The following PRPF8 variants were observed in gnomAD, a reference collection of about 807,000 sequenced individuals.
PRPF8 encodes pre-mRNA processing factor 8, also known as pre-mRNA-processing-splicing factor 8.
PRPF8 carries 64 observed loss-of-function variants against 285.9 expected under a neutral mutation model. The ratio of observed to expected loss-of-function variants is 0.22; its 90% CI spans 0.18 to 0.28. PRPF8 has a LOEUF of 0.28. PRPF8 is among the 10% of genes least tolerant of loss of function. PRPF8 has a pLI of 1.00. For synonymous variants in PRPF8, 1,325 were observed against 1,118.2 expected (o/e 1.18, Z -3.69); for missense variants, 1,426 against 3,026.7 (o/e 0.47, Z 12.41).
chr17:1,670,270 T>G (rs1368668709), intron 24 of PRPF8, among the ~76,000 whole-genome samples: 2 of 152,166 alleles, frequency 1.3e-5, no homozygotes, highest in Non-Finnish European at 2.9e-5. Flanking sequence ...AAACTAGATT[T>G]CTTTATCTTC....
Position 1,679,841 on chromosome 17 carries a change from TAGGCAC to T in PRPF8, c.1099-48_1099-43del. 6.3e-7 allele frequency: 1 copy of T among 1,598,394 alleles called. No individual in the cohort carries two copies. The highest frequency in any genetic ancestry group is 8.6e-7 in the Non-Finnish European group (1 of 1,165,600). ...TCTAAGGGTTTAGCTCCTGCTGAACTAGGCACAGACTTAAGATGAGGGAAATTCTCT... is the reference window on the plus strand; with the variant it reads ...TCTAAGGGTTTAGCTCCTGCTGAACTAGACTTAAGATGAGGGAAATTCTCT... On this transcript the variant is annotated intron_variant, in intron 8 of 42. Transcript: ENST00000304992. This position sits in a 1 kb window ranked among gnomAD's most constrained non-coding sequence, Gnocchi z 4.7.
At chr17:1,682,331 C>A in intron 3 of PRPF8, 38 bp from the exon 4 acceptor site, 14 of 1,604,834 alleles carry the variant, frequency 8.7e-6, no homozygotes, top group Non-Finnish European at 1.2e-5. Flanking sequence ...TCAGAAATGA[C>A]GAGGTGTTCT....
intron 34 of PRPF8, 119 bp from the exon 35 acceptor site, chr17:1,656,880 T>C: frequency 3.2e-6 from 3 of 933,290 alleles, no homozygotes; most frequent in Non-Finnish European, 1.7e-6. Context: ...TGATGTTAAA[T>C]GTTAGGCACT....
At position 1,658,103 on chromosome 17, in the gene PRPF8, C is replaced by T; in HGVS notation, c.5505+150G>A. 1.6e-6 allele frequency: 2 copies of T among 1,235,732 alleles called. No homozygotes were observed. The highest frequency in any genetic ancestry group is 2.6e-5 in the South Asian group (2 of 76,716). The allele number at this position is 1,235,732 out of a possible 1,614,324, so 76.5% of individuals were successfully genotyped here. A position where few individuals can be genotyped will look rare whatever the true frequency, so the allele number is the denominator to read the frequency against. ...AGCACCTCATACACTCTTGGACCTC[C>T]CACAGAATACTTCCCAAGGTATTTT... On this transcript the variant is annotated intron_variant, in intron 34 of 42. Coordinates refer to ENST00000304992, the MANE Select transcript of PRPF8 (RefSeq NM_006445.4). The surrounding 1 kb of genome is among the most constrained non-coding windows in gnomAD (Gnocchi z 4.1).
chr17:1,668,534 T>C (rs1409865957), intron 24 of PRPF8, among the ~76,000 whole-genome samples: 2 of 151,894 alleles, frequency 1.3e-5, no homozygotes, highest in African/African-American at 4.8e-5. Context: ...AGCTAATTTT[T>C]TGTATTTTTA....
At chr17:1,678,734 G>A (rs1912746170) in intron 12 of PRPF8, 28 bp downstream of exon 12, 1 of 1,614,096 alleles carries the variant, frequency 6.2e-7, no homozygotes. Context: ...TCCTCACCCA[G>A]GCAGGGGTTG....
At position 1,677,192 on chromosome 17, in the gene PRPF8, A is replaced by T. The variant is rs1167358479; in HGVS notation, c.1985-20T>A. 1 of 1,610,506 alleles carries T rather than the reference A, an allele frequency of 6.2e-7. No homozygotes were observed. Among genetic ancestry groups the T allele is most frequent in the South Asian group, 1.1e-5 (1 of 91,034 alleles). ...GTCGACCTGGAAGTAGAGTGTCCCAAGGGGATTACAAGGAAGATTCCTTGC... is the reference window on the plus strand; with the variant it reads ...GTCGACCTGGAAGTAGAGTGTCCCATGGGGATTACAAGGAAGATTCCTTGC... On this transcript the variant is annotated intron_variant, in intron 14 of 42. Coordinates refer to ENST00000304992, the MANE Select transcript of PRPF8 (RefSeq NM_006445.4).
intron 20 of PRPF8, among the ~76,000 whole-genome samples, chr17:1,674,945 T>TA (rs984802447): frequency 3.3e-5 from 5 of 151,972 alleles, no homozygotes; most frequent in Non-Finnish European, 7.4e-5. Context: ...CTAATTTTTG[T>TA]ATTTTTTTAA....
rs1567674321 is a variant in PRPF8, at chr17:1,651,544, G to A, written c.6520C>T (p.Pro2174Ser). The change falls in exon 41 of 43, where the codon CCC (proline) becomes TCC (serine). Residue 2174 changes from proline (P) to serine (S), a missense_variant. Transcript: ENST00000304992. The surrounding 1 kb of genome is among the most constrained non-coding windows in gnomAD (Gnocchi z 5.1). ...PQHEYLKEME[P>S]LGWIHTQPNE... ...GGCTGAGTGTGGATCCAACCTAAGG[G>A]TTCCATCTCCTATAGGTAAAGAGGA... 1 of 1,614,056 alleles carries A rather than the reference G, an allele frequency of 6.2e-7. No homozygotes were observed. Among genetic ancestry groups the A allele is most frequent in the South Asian group, 1.1e-5 (1 of 91,086 alleles).
Position 1,676,773 on chromosome 17 carries a change from A to C in PRPF8, c.2182-62T>G. ...GCCAGGCACTGTGGCACACATCTGT[A>C]GTCCCGGCTACTCAGGAGGCTAAGG... On this transcript the variant is annotated intron_variant, in intron 15 of 42. Transcript: ENST00000304992. The surrounding 1 kb of genome is among the most constrained non-coding windows in gnomAD (Gnocchi z 6.3). The C allele has an allele frequency of 6.3e-7, 1 of 1,581,842 alleles. No homozygotes were observed. The highest frequency in any genetic ancestry group is 1.1e-5 in the South Asian group (1 of 90,516).
Position 1,651,871 on chromosome 17 carries a change from C to T in PRPF8, c.6370-83G>A. On this transcript the variant is annotated intron_variant, in intron 39 of 42. Coordinates refer to ENST00000304992, the MANE Select transcript of PRPF8 (RefSeq NM_006445.4). The surrounding 1 kb of genome is among the most constrained non-coding windows in gnomAD (Gnocchi z 5.1). ...CTGCCAGCCCTCTGTTTCCTTCCTT[C>T]CCCCAAGAACGAGGACAGAGTTTCT... The T allele has an allele frequency of 1.3e-6, 2 of 1,512,334 alleles. No homozygotes were observed. The highest frequency in any genetic ancestry group is 1.1e-5 in the South Asian group (1 of 89,046). The allele number at this position is 1,512,334 out of a possible 1,614,324, so 93.7% of individuals were successfully genotyped here.
chr17:1,670,016 G>A (rs1050533922), intron 24 of PRPF8, among the ~76,000 whole-genome samples: 3 of 152,074 alleles, frequency 2.0e-5, no homozygotes, highest in African/African-American at 7.2e-5. Context: ...AGCTATCCCT[G>A]ACTGCTCTTA....
Position 1,650,969 on chromosome 17 carries a change from G to A in PRPF8, c.6854-13C>T. On this transcript the variant is annotated splice_polypyrimidine_tract_variant and intron_variant, in intron 42 of 42. Coordinates refer to ENST00000304992, the MANE Select transcript of PRPF8 (RefSeq NM_006445.4). ...TCATGCCGAACACCTTCGGGGAGAA[G>A]GAAACAGCCAATGTTAACAGGGCTC... 6.2e-7 allele frequency: 1 copy of A among 1,614,168 alleles called. No homozygotes were observed. The highest frequency in any genetic ancestry group is 8.5e-7 in the Non-Finnish European group (1 of 1,180,024).
In PRPF8 at chr17:1,653,892, G is replaced by A; in HGVS notation, c.6112C>T (p.Gln2038Ter). The part of the protein sequence containing the change: ...EIEKQTKEQS[Q>*]LTATQTRTVN... ...GTGCGAGTCTGTGTTGCCGTCAGCT[G>A]CGATTGTTCCTTGGTCTGCTTCTCG... The change falls in exon 38 of 43, where the codon CAG (glutamine) becomes TAG (stop). Residue 2038 changes from glutamine to a stop codon, truncating the protein, a stop_gained. Coordinates refer to ENST00000304992, the MANE Select transcript of PRPF8 (RefSeq NM_006445.4). LOFTEE classifies it high-confidence loss of function. This position sits in a 1 kb window ranked among gnomAD's most constrained non-coding sequence, Gnocchi z 4.9. 1 of 1,614,182 alleles carries A rather than the reference G, an allele frequency of 6.2e-7. No individual in the cohort carries two copies. Among genetic ancestry groups the A allele is most frequent in the South Asian group, 1.1e-5 (1 of 91,076 alleles).
In PRPF8 at chr17:1,660,539, T is replaced by C. The variant is rs1397962635; in HGVS notation, c.4678A>G (p.Ile1560Val). ...GFQVQLDLTG[I>V]FMHGKIPTLK... ...GTGGGGATCTTGCCGTGCATGAAGATACCCGTCAGGTCTAGCTGCACCTGA... is the reference window on the plus strand; with the variant it reads ...GTGGGGATCTTGCCGTGCATGAAGACACCCGTCAGGTCTAGCTGCACCTGA... Residue 1560 changes from isoleucine to valine, a missense_variant, in exon 30 of 43, where the codon ATC becomes GTC. Ile to Val is a conservative substitution (Grantham distance 29, BLOSUM62 3). Around this residue, in one of 34 missense-constraint regions of PRPF8, gnomAD observed 15 missense variants for 63.7 expected, o/e 0.24. Coordinates refer to ENST00000304992, the MANE Select transcript of PRPF8 (RefSeq NM_006445.4). 2 of 1,614,222 alleles carry C rather than the reference T, an allele frequency of 1.2e-6. No individual in the cohort carries two copies.
intron 24 of PRPF8, among the ~76,000 whole-genome samples, chr17:1,668,000 A>G (rs1353536634): frequency 1.3e-5 from 2 of 152,250 alleles, no homozygotes; most frequent in Non-Finnish European, 2.9e-5. Flanking sequence ...TTACCAAGTA[A>G]TATGGCTTAC....
Position 1,675,473 on chromosome 17 carries a change from G to A in PRPF8, c.2873-134C>T. The A allele has an allele frequency of 6.9e-7, 1 of 1,447,778 alleles. No homozygotes were observed. Among genetic ancestry groups the A allele is most frequent in the Non-Finnish European group, 9.7e-7 (1 of 1,033,766 alleles). 89.7% of individuals were successfully genotyped at this position (1,447,778 alleles called of 1,614,324 possible). On this transcript the variant is annotated intron_variant, in intron 19 of 42. Coordinates refer to ENST00000304992, the MANE Select transcript of PRPF8 (RefSeq NM_006445.4). This position sits in a 1 kb window ranked among gnomAD's most constrained non-coding sequence, Gnocchi z 6.0. Reference sequence around the variant, plus strand: ...ATTCATTTGGATTGCTTTGACTATGGGCTTTTCCTCAGTTTAACACGAACA... The same window carrying A: ...ATTCATTTGGATTGCTTTGACTATGAGCTTTTCCTCAGTTTAACACGAACA...
chr17:1,663,416 G>A (rs1257360587), intron 24 of PRPF8, among the ~76,000 whole-genome samples: 1 of 151,924 alleles, frequency 6.6e-6, no homozygotes, highest in Non-Finnish European at 1.5e-5. Flanking sequence ...TTGTCAAATT[G>A]GATTTAAATA....
intron 11 of PRPF8, 49 bp downstream of exon 11, chr17:1,678,968 A>G (rs1254741559): frequency 6.2e-7 from 1 of 1,613,668 alleles, no homozygotes; most frequent in Admixed American, 1.7e-5. Flanking sequence ...GAGGAAAACA[A>G]CTGTCCGTCC....
Sources: gnomAD v4.1 joint callset for allele counts (sites outside exome capture counted in the v4.1 genomes callset) on GRCh38, gnomAD v4.1.1 for gene constraint, gnomAD v4.1.1 regional missense constraint, Gnocchi (gnomAD v3.1) non-coding constraint, MANE v1.5 for transcripts, NCBI Gene and HGNC (gene_info 2026-07-23, HGNC 2026-07-21) for gene names.